SCMH1: variants seen among roughly 807,000 people sequenced by gnomAD.
The protein encoded by SCMH1 is Scm polycomb group protein homolog 1.
Under a neutral mutation model 70.8 loss-of-function variants are expected in SCMH1, and 37 were observed. That is an observed-to-expected ratio of 0.52 (90% CI 0.40 to 0.69). The LOEUF is 0.69. Among genes scored for constraint, SCMH1 ranks in the 30% least tolerant of loss-of-function variants. The probability of loss-of-function intolerance (pLI) is 0.00; values close to 1 mark genes in which losing one functional copy is unlikely to be tolerated. For synonymous variants in SCMH1, 292 were observed against 307.4 expected, an observed-to-expected ratio of 0.95 and a Z score of 0.52; for missense variants, 607 against 827.3, an observed-to-expected ratio of 0.73 and a Z score of 3.27.
intron 6 of SCMH1, among the ~76,000 whole-genome samples, chr1:41,128,742 T>C (rs1316052559): frequency 6.6e-6 from 1 of 152,138 alleles, no homozygotes; most frequent in Non-Finnish European, 1.5e-5. Flanking sequence ...TCTAATAATT[T>C]CTTATGTGCT....
intron 9 of SCMH1, among the ~76,000 whole-genome samples, chr1:41,072,640 T>C (rs913151630): frequency 2.0e-5 from 3 of 152,122 alleles, no homozygotes; most frequent in Admixed American, 1.3e-4. Flanking sequence ...GGTGGGAAAA[T>C]TGCTTGGGCC....
At chr1:41,168,416 T>C (rs1646554460) in intron 2 of SCMH1, among the ~76,000 whole-genome samples, 4 of 152,168 alleles carry the variant, frequency 2.6e-5, no homozygotes, top group Admixed American at 2.6e-4. Flanking sequence ...TTGAATCTGC[T>C]GTTGAATACC....
chr1:41,148,229 A>G (rs527465153), intron 5 of SCMH1, among the ~76,000 whole-genome samples: 1 of 152,248 alleles, frequency 6.6e-6, no homozygotes, highest in African/African-American at 2.4e-5. Flanking sequence ...CATTTTACTT[A>G]TATGTTATCA....
At chr1:41,190,934 G>C (rs910967619) in intron 1 of SCMH1, among the ~76,000 whole-genome samples, 5 of 152,160 alleles carry the variant, frequency 3.3e-5, no homozygotes, top group African/African-American at 1.2e-4. Context: ...GAGTACAGTG[G>C]CATGATCATA....
chr1:41,095,671 G>A (rs913852059), intron 8 of SCMH1, among the ~76,000 whole-genome samples: 8 of 152,092 alleles, frequency 5.3e-5, no homozygotes, highest in East Asian at 1.9e-4. Context: ...TTGAACATGC[G>A]AATATATATA....
intron 7 of SCMH1, among the ~76,000 whole-genome samples, chr1:41,115,767 G>A (rs1670307659): frequency 6.6e-6 from 1 of 152,010 alleles, no homozygotes; most frequent in South Asian, 2.1e-4. Flanking sequence ...AGTTCATCTG[G>A]CACATCTTTC....
rs560837145 is a variant in SCMH1 at position 41,156,773 on chromosome 1, T to C, written c.106+4102A>G. Among the ~76,000 whole-genome samples, 35 of 152,138 alleles carry C rather than the reference T, an allele frequency of 2.3e-4. No homozygotes were observed. In the East Asian group the frequency reaches 6.2e-3, roughly 27 times the overall value. On this transcript the variant is annotated intron_variant, in intron 4 of 14. Transcript: ENST00000337495. ...GGGTGGGATTAGTGGACAAAGAGCA[T>C]GCATAGTTTAGATTTTGATACAACA... is the stretch of plus-strand genomic sequence containing the variant.
chr1:41,161,341 A>C (rs1254438782), intron 3 of SCMH1, 23 bp downstream of exon 3: 1 of 1,547,322 alleles, frequency 6.5e-7, no homozygotes, highest in South Asian at 1.2e-5. Flanking sequence ...TTTCCACACC[A>C]AACGGAGTTT....
At chr1:41,168,384 A>G (rs1201297366) in intron 2 of SCMH1, among the ~76,000 whole-genome samples, 1 of 151,626 alleles carries the variant, frequency 6.6e-6, no homozygotes, top group Non-Finnish European at 1.5e-5. Context: ...CTTTGATTTC[A>G]TCGATCCTTT....
intron 1 of SCMH1, among the ~76,000 whole-genome samples, chr1:41,237,944 T>G (rs1662727957): frequency 6.6e-6 from 1 of 152,208 alleles, no homozygotes; most frequent in South Asian, 2.1e-4. Context: ...GAACTAATAT[T>G]TACTTTGTAT....
chr1:41,044,318 G>A (rs1021928280), intron 12 of SCMH1, among the ~76,000 whole-genome samples: 1 of 152,102 alleles, frequency 6.6e-6, no homozygotes, highest in Non-Finnish European at 1.5e-5. Context: ...CAGATCCAAA[G>A]GGCAAAGCAA....
At chr1:41,112,065 C>T (rs1669375126) in intron 8 of SCMH1, among the ~76,000 whole-genome samples, 1 of 152,170 alleles carries the variant, frequency 6.6e-6, no homozygotes, top group Admixed American at 6.5e-5. Context: ...TTCACTGTCA[C>T]TATCCCATCA....
intron 8 of SCMH1, among the ~76,000 whole-genome samples, chr1:41,089,498 T>C (rs1320892984): frequency 6.6e-6 from 1 of 152,224 alleles, no homozygotes; most frequent in Non-Finnish European, 1.5e-5. Flanking sequence ...TTCTTTGGCC[T>C]AAGCCACCAT....
chr1:41,063,031 T>C (rs1430649131), intron 10 of SCMH1, among the ~76,000 whole-genome samples: 2 of 151,874 alleles, frequency 1.3e-5, no homozygotes, highest in Non-Finnish European at 2.9e-5. Flanking sequence ...TGAATGCAGA[T>C]ATTAGAAAAG....
chr1:41,032,849 G>A (rs1313799474), intron 13 of SCMH1, among the ~76,000 whole-genome samples: 3 of 152,078 alleles, frequency 2.0e-5, no homozygotes, highest in African/African-American at 7.2e-5. Context: ...CGTAGTGGCA[G>A]GCACCTGTAA....
intron 8 of SCMH1, among the ~76,000 whole-genome samples, chr1:41,105,645 A>T (rs578348): frequency 0.84 from 127,169 of 152,150 alleles, 53,467 homozygotes; most frequent in East Asian, 0.96. Context: ...GGTGATACAC[A>T]TTAAGAACTT....
intron 2 of SCMH1, among the ~76,000 whole-genome samples, chr1:41,167,037 G>C (rs1030656166): frequency 1.3e-5 from 2 of 152,008 alleles, no homozygotes; most frequent in African/African-American, 4.8e-5. Flanking sequence ...AATATATTGA[G>C]AGTTTTCATC....
intron 10 of SCMH1, among the ~76,000 whole-genome samples, chr1:41,053,970 G>C (rs1421536548): frequency 6.6e-6 from 1 of 151,758 alleles, no homozygotes; most frequent in East Asian, 1.9e-4. Context: ...TCAGCCTCTC[G>C]AGTAGCTGGG....
At chr1:41,129,126 T>G (rs213757) in intron 6 of SCMH1, among the ~76,000 whole-genome samples, 81,477 of 151,966 alleles carry the variant, frequency 0.54, 23,575 homozygotes, top group African/African-American at 0.77. Context: ...TAATCTGTGT[T>G]ATTTCTGGAT....
Sources: allele counts gnomAD v4.1 joint callset (sites outside exome capture counted in the v4.1 genomes callset), GRCh38; gene constraint gnomAD v4.1.1; transcripts MANE v1.5; gene names NCBI Gene and HGNC (gene_info 2026-07-23, HGNC 2026-07-21).